L3MBTL2: variants seen among roughly 807,000 people sequenced by gnomAD.
The protein encoded by L3MBTL2 is L3MBTL histone methyl-lysine binding protein 2, also known as lethal(3)malignant brain tumor-like protein 2.
In L3MBTL2, 49 loss-of-function variants were observed where a neutral mutation model predicts 86.4. That is an observed-to-expected ratio of 0.57 (90% confidence interval 0.45 to 0.72). L3MBTL2 has a LOEUF of 0.72. Among genes scored for constraint, L3MBTL2 ranks in the 30% least tolerant of loss-of-function variants. L3MBTL2 has a pLI of 0.00. For synonymous variants in L3MBTL2, 336 were observed against 350.6 expected (o/e 0.96, Z 0.47); for missense variants, 755 against 923.7 (o/e 0.82, Z 2.37).
At position 41,205,330 on chromosome 22, in the gene L3MBTL2, G is replaced by A. The variant is rs756025791; in HGVS notation, c.-33G>A. On this transcript the variant is annotated 5_prime_UTR_variant, in exon 1 of 17. Transcript: ENST00000216237. The stretch of plus-strand genomic sequence containing the variant: ...ACGGGGCAGGCCAATATGGCTTCCT[G>A]CACCTGGTGACGCTTGGCGAAACTG... 4.3e-6 allele frequency: 7 copies of A among 1,613,962 alleles called. No homozygotes were observed. The Admixed American group carries it at 6.7e-5, about 15-fold the overall frequency.
rs2032558730 is a variant in L3MBTL2 at position 41,230,967 on chromosome 22, A to G, written c.*716A>G. On this transcript the variant is annotated 3_prime_UTR_variant, in exon 17 of 17. Transcript: ENST00000216237. ...TGCCCCCGGGGAGGACATTGGGAGGAAGATGGCCTGAGTGTGCACTTTGGC... is the reference window on the plus strand; with the variant it reads ...TGCCCCCGGGGAGGACATTGGGAGGGAGATGGCCTGAGTGTGCACTTTGGC... 6.6e-6 allele frequency: 1 copy of G among 152,164 alleles called. No homozygotes were observed. Among genetic ancestry groups the G allele is most frequent in the Admixed American group, 6.5e-5 (1 of 15,270 alleles). 9.4% of individuals were successfully genotyped at this position (152,164 alleles called of 1,614,324 possible).
chr22:41,210,889 C>T (rs780849846), intron 2 of L3MBTL2, among the ~76,000 whole-genome samples: 13 of 152,150 alleles, frequency 8.5e-5, no homozygotes, highest in Admixed American at 3.9e-4. Flanking sequence ...GGATTTCCAA[C>T]GTGGATGTTG....
At chr22:41,214,345 G>A (rs1234602020) in intron 3 of L3MBTL2, 1 of 179,974 alleles carries the variant, frequency 5.6e-6, no homozygotes, top group Non-Finnish European at 1.2e-5. Flanking sequence ...TTCAAAGGAA[G>A]TTGGGAAACA....
Position 41,230,188 on chromosome 22 carries a change from C to T in L3MBTL2, c.2055C>T (p.Asp685=), listed in dbSNP as rs576076981. The change falls in exon 17 of 17, where the codon GAC becomes GAT. Residue 685 remains aspartate (D), a synonymous_variant. Coordinates refer to ENST00000216237, the MANE Select transcript of L3MBTL2 (RefSeq NM_031488.5). ...AGCATCTAGACGTGGCCTCGCCCGA[C>T]AAGGCTTCAAGTCCAGAGCTGCCTG... ...KEEHLDVASP[D]KASSPELPVS... is the part of the protein sequence containing the mutation. 15 of 1,613,450 alleles carry T rather than the reference C, an allele frequency of 9.3e-6. No homozygotes were observed. The highest frequency in any genetic ancestry group is 3.3e-5 in the South Asian group (3 of 91,046).
rs368916208 is a variant in L3MBTL2 at position 41,226,751 on chromosome 22, A to G, written c.1587+7A>G. The G allele has an allele frequency of 2.2e-5, 36 of 1,608,876 alleles. No individual in the cohort carries two copies. The highest frequency in any genetic ancestry group is 3.0e-5 in the Non-Finnish European group (35 of 1,175,738). On this transcript the variant is annotated splice_region_variant and intron_variant, in intron 13 of 16. Coordinates refer to ENST00000216237, the MANE Select transcript of L3MBTL2 (RefSeq NM_031488.5). ...ATCGAGACTCTTTAACATGGTGAGG[A>G]GACTGAAGTGGAGCAAGGGGCCTGC...
Position 41,226,760 on chromosome 22 carries a change from T to C in L3MBTL2, c.1587+16T>C, listed in dbSNP as rs1418719360. ...CTTTAACATGGTGAGGAGACTGAAG[T>C]GGAGCAAGGGGCCTGCGGTGGCCTC... On this transcript the variant is annotated intron_variant, in intron 13 of 16. Transcript: ENST00000216237. 1 of 1,597,784 alleles carries C rather than the reference T, an allele frequency of 6.3e-7. No individual in the cohort carries two copies. The highest frequency in any genetic ancestry group is 1.3e-5 in the African/African-American group (1 of 74,492).
Position 41,224,891 on chromosome 22 carries a change from T to A in L3MBTL2, c.1252-76T>A. The A allele has an allele frequency of 6.4e-7, 1 of 1,559,174 alleles. No homozygotes were observed. Among genetic ancestry groups the A allele is most frequent in the Non-Finnish European group, 8.8e-7 (1 of 1,131,454 alleles). On this transcript the variant is annotated intron_variant, in intron 10 of 16. Coordinates refer to ENST00000216237, the MANE Select transcript of L3MBTL2 (RefSeq NM_031488.5). The surrounding 1 kb of genome is among the most constrained non-coding windows in gnomAD (Gnocchi z 4.9). Reference sequence around the variant, plus strand: ...GGCTCTTCCCCTGGGACCATCCCTTTCCCTCCTGAGGCCTGCTTCCCTCAC... The same window carrying A: ...GGCTCTTCCCCTGGGACCATCCCTTACCCTCCTGAGGCCTGCTTCCCTCAC...
chr22:41,225,762 T>G lies in L3MBTL2; in HGVS notation c.1357-32T>G, dbSNP rs752139568. On this transcript the variant is annotated intron_variant, in intron 11 of 16. Transcript: ENST00000216237. The surrounding 1 kb of genome is among the most constrained non-coding windows in gnomAD (Gnocchi z 4.1). ...CCAGGATGGGGTGCAGTTCATGATATGATCTGTCTGCCTGCTCCCCCCACC... is the reference window on the plus strand; with the variant it reads ...CCAGGATGGGGTGCAGTTCATGATAGGATCTGTCTGCCTGCTCCCCCCACC... 17 of 1,593,776 alleles carry G rather than the reference T, an allele frequency of 1.1e-5. No homozygotes were observed. Among genetic ancestry groups the G allele is most frequent in the Non-Finnish European group, 1.5e-5 (17 of 1,165,328 alleles).
chr22:41,223,560 G>T (rs970046859), intron 8 of L3MBTL2, among the ~76,000 whole-genome samples: 4 of 152,164 alleles, frequency 2.6e-5, no homozygotes, highest in African/African-American at 9.7e-5. Context: ...CAGGCAGAGG[G>T]CTGGGAGGGG....
chr22:41,227,186 T>G lies in L3MBTL2; in HGVS notation c.1685T>G (p.Val562Gly). Residue 562 changes from valine (V) to glycine (G), a missense_variant, in exon 14 of 17, where the codon GTG (valine) becomes GGG (glycine). This residue lies in a region of L3MBTL2 where 634 missense variants were observed against 748.9 expected (regional missense o/e 0.85). Transcript: ENST00000216237. The surrounding 1 kb of genome is among the most constrained non-coding windows in gnomAD (Gnocchi z 6.0). The stretch of plus-strand genomic sequence containing the variant: ...TGTGTGGCCACGGTGAAACGAGTGG[T>G]GCATCGGCTCCTCAGCATCCACTTT... ...LICVATVKRV[V>G]HRLLSIHFDG... is the part of the protein sequence containing the mutation. 6.2e-7 allele frequency: 1 copy of G among 1,613,690 alleles called. No homozygotes were observed. Among genetic ancestry groups the G allele is most frequent in the Non-Finnish European group, 8.5e-7 (1 of 1,180,004 alleles).
Position 41,216,224 on chromosome 22 carries a change from C to T in L3MBTL2, c.482C>T (p.Thr161Ile), listed in dbSNP as rs377308699. 3.1e-6 allele frequency: 5 copies of T among 1,614,002 alleles called. No individual in the cohort carries two copies. The African/African-American group carries it at 6.7e-5, about 22-fold the overall frequency. The change falls in exon 4 of 17, where the codon ACA (threonine) becomes ATA (isoleucine). Residue 161 changes from threonine to isoleucine, a missense_variant. Transcript: ENST00000216237. ...KIGAFLHSQG[T>I]GQLADGTPTG... The stretch of plus-strand genomic sequence containing the variant: ...GGAGCCTTCCTCCACTCTCAAGGGA[C>T]AGGACAGCTGGCAGATGGGACACCA...
Position 41,225,214 on chromosome 22 carries a change from T to C in L3MBTL2, c.1356+143T>C. On this transcript the variant is annotated intron_variant, in intron 11 of 16. Coordinates refer to ENST00000216237, the MANE Select transcript of L3MBTL2 (RefSeq NM_031488.5). The surrounding 1 kb of genome is among the most constrained non-coding windows in gnomAD (Gnocchi z 4.1). Reference sequence around the variant, plus strand: ...GGCTGCACCCAGAGTCCCTGACTTTTGTGAGTGGGGCCTGGCCTGCCCCTT... The same window carrying C: ...GGCTGCACCCAGAGTCCCTGACTTTCGTGAGTGGGGCCTGGCCTGCCCCTT... 1 of 660,412 alleles carries C rather than the reference T, an allele frequency of 1.5e-6. No homozygotes were observed. Among genetic ancestry groups the C allele is most frequent in the Non-Finnish European group, 2.6e-6 (1 of 388,156 alleles). The allele number at this position is 660,412 out of a possible 1,614,324, so 40.9% of individuals were successfully genotyped here.
chr22:41,218,111 T>G (rs1278491955), intron 5 of L3MBTL2: 1 of 152,282 alleles, frequency 6.6e-6, no homozygotes, highest in African/African-American at 2.4e-5. Context: ...TGCCCCTGCG[T>G]GCCTGGGCTA....
chr22:41,205,339 GA>G lies in L3MBTL2; in HGVS notation c.-23del. The G allele has an allele frequency of 6.2e-7, 1 of 1,614,188 alleles. No individual in the cohort carries two copies. Among genetic ancestry groups the G allele is most frequent in the Non-Finnish European group, 8.5e-7 (1 of 1,180,022 alleles). Reference sequence around the variant, plus strand: ...GCCAATATGGCTTCCTGCACCTGGTGACGCTTGGCGAAACTGAGGTCTCATG... The same window carrying G: ...GCCAATATGGCTTCCTGCACCTGGTGCGCTTGGCGAAACTGAGGTCTCATG... On this transcript the variant is annotated 5_prime_UTR_variant, in exon 1 of 17. An upstream open reading frame in the 5' UTR loses its in-frame stop. Transcript: ENST00000216237.
chr22:41,212,297 C>T (rs762608748), intron 2 of L3MBTL2, among the ~76,000 whole-genome samples: 1 of 152,020 alleles, frequency 6.6e-6, no homozygotes, highest in East Asian at 1.9e-4. Flanking sequence ...CCACTTAGAC[C>T]AGGGGTTCTG....
rs1382351175 is a variant in L3MBTL2 at position 41,224,992 on chromosome 22, G to A, written c.1277G>A (p.Gly426Asp). The A allele has an allele frequency of 4.3e-6, 7 of 1,613,866 alleles. No individual in the cohort carries two copies. The highest frequency in any genetic ancestry group is 2.2e-5 in the East Asian group (1 of 44,896). Residue 426 changes from glycine (G) to aspartate (D), a missense_variant, in exon 11 of 17, where the codon GGT becomes GAT. Gly to Asp is a moderately conservative substitution (Grantham distance 94). This residue lies in a region of L3MBTL2 where 634 missense variants were observed against 748.9 expected (regional missense o/e 0.85). Transcript: ENST00000216237. This position sits in a 1 kb window ranked among gnomAD's most constrained non-coding sequence, Gnocchi z 4.9. The part of the protein sequence containing the change: ...KKVRAVYTEG[G>D]WFEEGMKLEA... ...GTACGAGCAGTCTACACAGAAGGCGGTTGGTTTGAGGAAGGGATGAAGCTG... is the reference window on the plus strand; with the variant it reads ...GTACGAGCAGTCTACACAGAAGGCGATTGGTTTGAGGAAGGGATGAAGCTG...
chr22:41,219,431 G>T lies in L3MBTL2; in HGVS notation c.613G>T (p.Asp205Tyr). 1.2e-6 allele frequency: 2 copies of T among 1,610,208 alleles called. No homozygotes were observed. Among genetic ancestry groups the T allele is most frequent in the South Asian group, 2.2e-5 (2 of 90,932 alleles). The stretch of plus-strand genomic sequence containing the variant: ...CATCGCCACACAGGTCCCACTCTAT[G>T]ACCAGTGGGAGGATGTGATGAAAGG... ...VSCFKHVPLYDQWEDVMKGMK... is the reference protein window; with the variant it reads ...VSCFKHVPLYYQWEDVMKGMK... The change falls in exon 6 of 17, where the codon GAC becomes TAC. Residue 205 changes from aspartate (D) to tyrosine (Y), a missense_variant. Asp to Tyr is a radical substitution (Grantham distance 160, BLOSUM62 -3). Coordinates refer to ENST00000216237, the MANE Select transcript of L3MBTL2 (RefSeq NM_031488.5).
At position 41,225,904 on chromosome 22, in the gene L3MBTL2, C is replaced by G; in HGVS notation, c.1467C>G (p.Phe489Leu). The G allele has an allele frequency of 6.2e-7, 1 of 1,614,140 alleles. No individual in the cohort carries two copies. The highest frequency in any genetic ancestry group is 8.5e-7 in the Non-Finnish European group (1 of 1,180,036). ...CCCACGCCATCTTCCCGGCCACCTTCTGTCAGAAGAATGACATTGAGCTCA... is the reference window on the plus strand; with the variant it reads ...CCCACGCCATCTTCCCGGCCACCTTGTGTCAGAAGAATGACATTGAGCTCA... ...ASSHAIFPAT[F>L]CQKNDIELTP... The change falls in exon 12 of 17, where the codon TTC (phenylalanine) becomes TTG (leucine). Residue 489 changes from phenylalanine (F) to leucine (L), a missense_variant. Around this residue, in one of 3 missense-constraint regions of L3MBTL2, gnomAD observed 634 missense variants for 748.9 expected, o/e 0.85. Transcript: ENST00000216237. The surrounding 1 kb of genome is among the most constrained non-coding windows in gnomAD (Gnocchi z 4.1).
In L3MBTL2 at chr22:41,207,834, C is replaced by T. The variant is rs546737948; in HGVS notation, c.25-1862C>T. On this transcript the variant is annotated intron_variant, in intron 1 of 16. Coordinates refer to ENST00000216237, the MANE Select transcript of L3MBTL2 (RefSeq NM_031488.5). The stretch of plus-strand genomic sequence containing the variant: ...AGCCACAGGTGCATGCCACCACCAC[C>T]CAGCTTTTTTTTTTTGAGAAGGAGT... Among the ~76,000 whole-genome samples, 345 of 151,308 alleles carry T rather than the reference C, an allele frequency of 2.3e-3. 2 individuals carry two copies. Among genetic ancestry groups the T allele is most frequent in the Non-Finnish European group, 3.4e-3 (233 of 67,770 alleles).
Sources: allele counts gnomAD v4.1 joint callset (sites outside exome capture counted in the v4.1 genomes callset), GRCh38; gene constraint gnomAD v4.1.1; regional missense constraint gnomAD v4.1.1; non-coding constraint Gnocchi (gnomAD v3.1); transcripts MANE v1.5; gene names NCBI Gene and HGNC (gene_info 2026-07-23, HGNC 2026-07-21).